MYO1D: variants seen among roughly 807,000 people sequenced by gnomAD.
MYO1D encodes the protein unconventional myosin-Id.
In MYO1D, 83 loss-of-function variants were observed where a neutral mutation model predicts 122.0. The ratio of observed to expected loss-of-function variants is 0.68; its 90% CI spans 0.57 to 0.82. MYO1D has a LOEUF of 0.82. Among genes scored for constraint, MYO1D ranks in the 40% least tolerant of loss-of-function variants. The pLI is 0.00. For missense variants in MYO1D, 1,157 were observed against 1,269.5 expected (o/e 0.91, Z 1.35); for synonymous variants, 464 against 446.9 (o/e 1.04, Z -0.48).
intron 21 of MYO1D, among the ~76,000 whole-genome samples, chr17:32,595,853 G>A (rs1033772276): frequency 6.6e-6 from 1 of 152,138 alleles, no homozygotes; most frequent in African/African-American, 2.4e-5. Context: ...AAGATTAGGG[G>A]GGTTTGGGGA....
intron 21 of MYO1D, among the ~76,000 whole-genome samples, chr17:32,600,567 T>G (rs1380977647): frequency 6.6e-6 from 1 of 152,236 alleles, no homozygotes; most frequent in Non-Finnish European, 1.5e-5. Flanking sequence ...TTTTATGTTA[T>G]GGAGATGTCT....
chr17:32,639,715 C>T (rs2088166667), intron 19 of MYO1D, among the ~76,000 whole-genome samples: 3 of 152,002 alleles, frequency 2.0e-5, no homozygotes, highest in Admixed American at 6.6e-5. Flanking sequence ...TACTAATCAA[C>T]GTACCTAGCA....
At chr17:32,719,867 T>C (rs2089490269) in intron 15 of MYO1D, among the ~76,000 whole-genome samples, 1 of 152,180 alleles carries the variant, frequency 6.6e-6, no homozygotes, top group Non-Finnish European at 1.5e-5. Context: ...CACTGTCCTG[T>C]CAGTGTCCTC....
intron 15 of MYO1D, 54 bp from the exon 16 acceptor site, chr17:32,712,249 T>G (rs9913989): frequency 2.7e-6 from 4 of 1,474,668 alleles, no homozygotes; most frequent in African/African-American, 2.8e-5. Flanking sequence ...GTCATCTCAA[T>G]AGAAAACTAT....
chr17:32,721,990 A>G (rs1228965105), intron 14 of MYO1D, among the ~76,000 whole-genome samples: 1 of 152,234 alleles, frequency 6.6e-6, no homozygotes, highest in East Asian at 1.9e-4. Flanking sequence ...AGACACACAC[A>G]GATGCACTTT....
At chr17:32,527,794 T>TA (rs1350072228) in intron 21 of MYO1D, among the ~76,000 whole-genome samples, 1 of 150,914 alleles carries the variant, frequency 6.6e-6, no homozygotes, top group African/African-American at 2.4e-5. Flanking sequence ...AGAGACTCTA[T>TA]AAAAATAAAA....
Position 32,817,006 on chromosome 17 carries a change from G to A in MYO1D, c.96-36222C>T, listed in dbSNP as rs146154174. 2.2e-3 allele frequency among the ~76,000 whole-genome samples: 342 copies of A among 152,112 alleles called. 1 individual carries two copies. The highest frequency in any genetic ancestry group is 7.4e-3 in the African/African-American group (306 of 41,414). On this transcript the variant is annotated intron_variant, in intron 1 of 21. Transcript: ENST00000318217. Reference sequence around the variant, plus strand: ...ATGTAACTTAGGCAAGTAACTACTTGTACCTCAAATTTCTATTTAATGAGG... The same window carrying A: ...ATGTAACTTAGGCAAGTAACTACTTATACCTCAAATTTCTATTTAATGAGG...
At chr17:32,719,197 C>G (rs1294845286) in intron 15 of MYO1D, among the ~76,000 whole-genome samples, 1 of 152,148 alleles carries the variant, frequency 6.6e-6, no homozygotes, top group Non-Finnish European at 1.5e-5. Flanking sequence ...TTCATCATAT[C>G]CAATCCATGA....
chr17:32,811,254 CAT>C (rs2090569481), intron 1 of MYO1D, among the ~76,000 whole-genome samples: 1 of 152,232 alleles, frequency 6.6e-6, no homozygotes, highest in African/African-American at 2.4e-5. Context: ...GCATTTAAAA[CAT>C]AACTCAAGTA....
At chr17:32,703,165 A>C (rs2089268318) in intron 16 of MYO1D, among the ~76,000 whole-genome samples, 1 of 152,216 alleles carries the variant, frequency 6.6e-6, no homozygotes, top group Non-Finnish European at 1.5e-5. Context: ...AAAGCTATGC[A>C]ATCTGAAATG....
At chr17:32,556,684 C>T (rs1051744988) in intron 21 of MYO1D, among the ~76,000 whole-genome samples, 1 of 151,968 alleles carries the variant, frequency 6.6e-6, no homozygotes, top group Non-Finnish European at 1.5e-5. Flanking sequence ...TGCACTCAGC[C>T]AAAATGTTTA....
chr17:32,806,192 A>T (rs1049116015), intron 1 of MYO1D, among the ~76,000 whole-genome samples: 1 of 152,170 alleles, frequency 6.6e-6, no homozygotes, highest in Non-Finnish European at 1.5e-5. Context: ...CAGGAGGCGG[A>T]GGTTGCAGTG....
chr17:32,836,694 T>C (rs540213632), intron 1 of MYO1D, among the ~76,000 whole-genome samples: 7 of 152,310 alleles, frequency 4.6e-5, no homozygotes, highest in East Asian at 1.9e-4. Flanking sequence ...TATAGGAATA[T>C]ACCACAATTT....
At position 32,638,852 on chromosome 17, in the gene MYO1D, C is replaced by A; in HGVS notation, c.2596-17G>T. 3 of 1,518,020 alleles carry A rather than the reference C, an allele frequency of 2.0e-6. No individual in the cohort carries two copies. Among genetic ancestry groups the A allele is most frequent in the Non-Finnish European group, 2.7e-6 (3 of 1,092,492 alleles). 94.0% of individuals were successfully genotyped at this position (1,518,020 alleles called of 1,614,324 possible). ...TCGATTTACCTGTAAGAGAACAAAC[C>A]AATAAACCATAGTATCTCATCAATA... On this transcript the variant is annotated splice_polypyrimidine_tract_variant and intron_variant, in intron 19 of 21. Transcript: ENST00000318217.
At chr17:32,706,026 G>A (rs2089304190) in intron 16 of MYO1D, among the ~76,000 whole-genome samples, 1 of 152,164 alleles carries the variant, frequency 6.6e-6, no homozygotes. Flanking sequence ...AAATTACCCA[G>A]TCTTGGGTAT....
chr17:32,779,257 C>T (rs997753171), intron 2 of MYO1D, among the ~76,000 whole-genome samples: 6 of 151,942 alleles, frequency 3.9e-5, no homozygotes, highest in Non-Finnish European at 7.4e-5. Flanking sequence ...ATGTTCAAAG[C>T]TTTTAAAACA....
At chr17:32,625,698 T>C (rs1201105609) in intron 20 of MYO1D, among the ~76,000 whole-genome samples, 2 of 152,084 alleles carry the variant, frequency 1.3e-5, no homozygotes, top group Non-Finnish European at 2.9e-5. Context: ...TACTGGTTAA[T>C]TTTTGTATTT....
At chr17:32,721,327 G>GTAGT in intron 14 of MYO1D, 138 bp from the exon 15 acceptor site, 1 of 786,350 alleles carries the variant, frequency 1.3e-6, no homozygotes, top group East Asian at 2.6e-5. Context: ...TGTGAATAAA[G>GTAGT]TAGTTATTCT....
At position 32,877,049 on chromosome 17, in the gene MYO1D, C is replaced by T. The variant is rs1258805379; in HGVS notation, c.-177G>A. The T allele has an allele frequency of 3.3e-5, 8 of 245,440 alleles. No homozygotes were observed. Among genetic ancestry groups the T allele is most frequent in the South Asian group, 1.7e-4 (1 of 5,820 alleles). 15.2% of individuals were successfully genotyped at this position (245,440 alleles called of 1,614,324 possible). ...AGGCCGCCTCGCTGCTCCTCGGCGC[C>T]TTCTCGGCCGGCGCGGCTCCGAACG... On this transcript the variant is annotated 5_prime_UTR_variant, in exon 1 of 22. Transcript: ENST00000318217.
Sources: allele counts gnomAD v4.1 joint callset (sites outside exome capture counted in the v4.1 genomes callset), GRCh38; gene constraint gnomAD v4.1.1; transcripts MANE v1.5; gene names NCBI Gene and HGNC (gene_info 2026-07-23, HGNC 2026-07-21).